Variants in ANKRD13C observed in about 807,000 individuals in gnomAD.
ANKRD13C encodes ankyrin repeat domain 13C, also known as ankyrin repeat domain-containing protein 13C.
In ANKRD13C, 16 loss-of-function variants were observed where a neutral mutation model predicts 65.5. That is an observed-to-expected ratio of 0.24 (90% confidence interval 0.17 to 0.37). The LOEUF is 0.37. ANKRD13C is among the 10% of genes least tolerant of loss of function. The pLI is 1.00. For synonymous variants in ANKRD13C, 235 were observed against 238.7 expected, an observed-to-expected ratio of 0.98 and a Z score of 0.14; for missense variants, 503 against 655.9, an observed-to-expected ratio of 0.77 and a Z score of 2.55.
rs928878121 is a variant in ANKRD13C, at chr1:70,309,650, CAGG to C, written c.710-3363_710-3361del. Among the ~76,000 whole-genome samples, 287 of 147,826 alleles carry C rather than the reference CAGG, an allele frequency of 1.9e-3. 1 individual carries two copies. The highest frequency in any genetic ancestry group is 6.8e-3 in the African/African-American group (275 of 40,518). The stretch of plus-strand genomic sequence containing the variant: ...CTGAGGCAGGAGAATGGCGTGAACC[CAGG>C]AGGTGGAGCTTGCAGTGAGCCGAGA... On this transcript the variant is annotated intron_variant, in intron 5 of 12. Coordinates refer to ENST00000370944, the MANE Select transcript of ANKRD13C (RefSeq NM_030816.5).
chr1:70,270,732 A>G (rs2101117979), intron 12 of ANKRD13C, 124 bp downstream of exon 12: 17 of 636,654 alleles, frequency 2.7e-5, no homozygotes, highest in Middle Eastern at 4.5e-4. Context: ...CCCCACTCCT[A>G]AAAGGTCACG....
intron 3 of ANKRD13C, among the ~76,000 whole-genome samples, chr1:70,317,192 A>C (rs1160431993): frequency 6.6e-6 from 1 of 152,198 alleles, no homozygotes; most frequent in African/African-American, 2.4e-5. Flanking sequence ...GCCAAAAATC[A>C]AAGAACAATG....
At position 70,336,554 on chromosome 1, in the gene ANKRD13C, C is replaced by T. The variant is rs111436685; in HGVS notation, c.431-455G>A. On this transcript the variant is annotated intron_variant, in intron 1 of 12. Coordinates refer to ENST00000370944, the MANE Select transcript of ANKRD13C (RefSeq NM_030816.5). ...TTAAATAGAAGGGAGTACAGCCTGA[C>T]CGTAGAACATATGGCAGAGCTCATA... Among the ~76,000 whole-genome samples the T allele has an allele frequency of 2.2e-3, 333 of 152,156 alleles. 5 individuals carry two copies. Among genetic ancestry groups the T allele is most frequent in the African/African-American group, 7.8e-3 (323 of 41,526 alleles).
At chr1:70,266,072 C>T (rs1485458960) in intron 12 of ANKRD13C, among the ~76,000 whole-genome samples, 1 of 152,014 alleles carries the variant, frequency 6.6e-6, no homozygotes, top group African/African-American at 2.4e-5. Context: ...ATGAATATTT[C>T]CATAACCACA....
chr1:70,354,590 C>A lies in ANKRD13C; in HGVS notation c.-182G>T. On this transcript the variant is annotated 5_prime_UTR_variant, in exon 1 of 13. Coordinates refer to ENST00000370944, the MANE Select transcript of ANKRD13C (RefSeq NM_030816.5). The stretch of plus-strand genomic sequence containing the variant: ...GGGGAAGAGCCGGCTCTCGCCTAGG[C>A]ACGAAGGGACGCGCGCTCGCTGGGG... 7.3e-7 allele frequency: 1 copy of A among 1,374,582 alleles called. No homozygotes were observed. Among genetic ancestry groups the A allele is most frequent in the South Asian group, 1.5e-5 (1 of 65,284 alleles). The allele number at this position is 1,374,582 out of a possible 1,614,324, so 85.1% of individuals were successfully genotyped here.
chr1:70,282,216 G>A (rs929912029), intron 9 of ANKRD13C, among the ~76,000 whole-genome samples: 8 of 151,358 alleles, frequency 5.3e-5, no homozygotes, highest in South Asian at 2.1e-4. Context: ...CACCACGCCC[G>A]GCTAATTTTT....
At chr1:70,267,823 T>G (rs1028291711) in intron 12 of ANKRD13C, among the ~76,000 whole-genome samples, 1 of 151,998 alleles carries the variant, frequency 6.6e-6, no homozygotes, top group Non-Finnish European at 1.5e-5. Context: ...ATTGTGTGTA[T>G]GTGTGTGTGT....
intron 1 of ANKRD13C, among the ~76,000 whole-genome samples, chr1:70,338,554 T>C (rs960117692): frequency 1.3e-5 from 2 of 151,906 alleles, no homozygotes; most frequent in Admixed American, 1.3e-4. Context: ...CGAGTACCAC[T>C]ACGCCCGGCT....
intron 1 of ANKRD13C, among the ~76,000 whole-genome samples, chr1:70,353,406 C>T (rs1350969217): frequency 6.6e-6 from 1 of 152,180 alleles, no homozygotes; most frequent in Non-Finnish European, 1.5e-5. Context: ...GTTGAGAAGT[C>T]ACTTTAACTG....
chr1:70,340,579 T>C (rs1682265505), intron 1 of ANKRD13C, among the ~76,000 whole-genome samples: 1 of 152,212 alleles, frequency 6.6e-6, no homozygotes. Flanking sequence ...TTTACATCCT[T>C]ATTGATTTGT....
At chr1:70,345,088 C>CT (rs1682470187) in intron 1 of ANKRD13C, among the ~76,000 whole-genome samples, 1 of 152,024 alleles carries the variant, frequency 6.6e-6, no homozygotes, top group Admixed American at 6.6e-5. Flanking sequence ...ATTTTAATAA[C>CT]CTTTTCTGAT....
At chr1:70,270,061 T>C (rs1016496453) in intron 12 of ANKRD13C, among the ~76,000 whole-genome samples, 3 of 152,164 alleles carry the variant, frequency 2.0e-5, no homozygotes, top group Non-Finnish European at 4.4e-5. Flanking sequence ...CAAAAATGAG[T>C]GTACTATTTC....
At position 70,348,926 on chromosome 1, in the gene ANKRD13C, T is replaced by C. The variant is rs183399472; in HGVS notation, c.430+5053A>G. ...CAGAATAAATCAGAAATTTTTCACA[T>C]CTAGGAAAGGCTGGCTTGAGCAATT... On this transcript the variant is annotated intron_variant, in intron 1 of 12. Transcript: ENST00000370944. Among the ~76,000 whole-genome samples, 16 of 152,300 alleles carry C rather than the reference T, an allele frequency of 1.1e-4. No homozygotes were observed. The East Asian group carries it at 2.1e-3, about 20-fold the overall frequency.
At chr1:70,289,234 T>C (rs982433297) in intron 9 of ANKRD13C, among the ~76,000 whole-genome samples, 2 of 152,234 alleles carry the variant, frequency 1.3e-5, no homozygotes, top group Non-Finnish European at 2.9e-5. Context: ...CATTAAACTA[T>C]GTTTTAATTT....
Position 70,348,326 on chromosome 1 carries a change from T to C in ANKRD13C, c.430+5653A>G, listed in dbSNP as rs111643606. 5.5e-3 allele frequency among the ~76,000 whole-genome samples: 837 copies of C among 152,242 alleles called. 14 individuals are homozygous for C. Among genetic ancestry groups the C allele is most frequent in the African/African-American group, 0.02 (811 of 41,526 alleles). ...GGAATTTAGCTCTTGTTGCCCAAGC[T>C]GGAGTGCAATAGTGCAATCTCAGCT... On this transcript the variant is annotated intron_variant, in intron 1 of 12. Transcript: ENST00000370944.
At chr1:70,338,014 G>T (rs1232905880) in intron 1 of ANKRD13C, among the ~76,000 whole-genome samples, 1 of 151,964 alleles carries the variant, frequency 6.6e-6, no homozygotes, top group South Asian at 2.1e-4. Context: ...CAGGAGAATC[G>T]CTTGAACCTG....
chr1:70,319,561 C>T (rs998518122), intron 3 of ANKRD13C, among the ~76,000 whole-genome samples: 15 of 148,722 alleles, frequency 1.0e-4, no homozygotes, highest in Admixed American at 6.8e-4. Context: ...GAGCCAAGAT[C>T]GCGCCATTGC....
intron 12 of ANKRD13C, among the ~76,000 whole-genome samples, chr1:70,268,921 G>A (rs191386755): frequency 2.5e-4 from 38 of 151,426 alleles, no homozygotes; most frequent in African/African-American, 9.2e-4. Flanking sequence ...TAAGTTTTAG[G>A]GTACATGTGC....
intron 6 of ANKRD13C, among the ~76,000 whole-genome samples, chr1:70,305,010 C>A (rs2101385953): frequency 6.6e-6 from 1 of 152,040 alleles, no homozygotes; most frequent in African/African-American, 2.4e-5. Context: ...GTAATCCCAG[C>A]ACTTTGCGAG....
Sources: allele counts gnomAD v4.1 joint callset (sites outside exome capture counted in the v4.1 genomes callset), GRCh38; gene constraint gnomAD v4.1.1; transcripts MANE v1.5; gene names NCBI Gene and HGNC (gene_info 2026-07-23, HGNC 2026-07-21).